FRMD5: variants seen among roughly 807,000 people sequenced by gnomAD.
FRMD5 encodes FERM domain-containing protein 5.
A neutral mutation model predicts 69.0 loss-of-function variants in FRMD5; 20 were observed. The observed-to-expected ratio is 0.29, with a 90% CI of 0.20 to 0.42. The LOEUF is 0.42. Ranked by LOEUF, FRMD5 falls within the 10% of genes least tolerant of loss-of-function variation. The probability of loss-of-function intolerance (pLI) is 1.00; values close to 1 mark genes in which losing one functional copy is unlikely to be tolerated. For missense variants in FRMD5, 595 were observed against 708.6 expected (o/e 0.84, Z 1.82); for synonymous variants, 271 against 260.1 (o/e 1.04, Z -0.40).
intron 1 of FRMD5, among the ~76,000 whole-genome samples, chr15:44,106,912 A>G (rs2076728096): frequency 6.6e-6 from 1 of 152,334 alleles, no homozygotes; most frequent in South Asian, 2.1e-4. Flanking sequence ...AACATCAATG[A>G]GCTTTGTTTA....
chr15:43,985,006 C>A (rs957842683), intron 1 of FRMD5, among the ~76,000 whole-genome samples: 9 of 147,314 alleles, frequency 6.1e-5, no homozygotes, highest in African/African-American at 2.2e-4. Flanking sequence ...CAAGGCCGGG[C>A]ACGGTGGCTC....
chr15:43,984,161 T>C (rs936429147), intron 1 of FRMD5, among the ~76,000 whole-genome samples: 1 of 152,342 alleles, frequency 6.6e-6, no homozygotes, highest in African/African-American at 2.4e-5. Context: ...ATCAAAGGGA[T>C]GATGCTCTAC....
chr15:43,937,876 G>A (rs1404645004), intron 1 of FRMD5, among the ~76,000 whole-genome samples: 3 of 152,120 alleles, frequency 2.0e-5, no homozygotes, highest in Non-Finnish European at 2.9e-5. Flanking sequence ...GTTGACCACT[G>A]CCAACAGGAC....
chr15:43,880,581 C>T (rs56312025), intron 13 of FRMD5, among the ~76,000 whole-genome samples: 2 of 152,368 alleles, frequency 1.3e-5, no homozygotes, highest in Non-Finnish European at 2.9e-5. Flanking sequence ...AACCTGATGT[C>T]CATCTCCCTC....
chr15:44,132,361 T>C (rs2077113833), intron 1 of FRMD5, among the ~76,000 whole-genome samples: 1 of 152,100 alleles, frequency 6.6e-6, no homozygotes, highest in South Asian at 2.1e-4. Context: ...GGTATAGAGA[T>C]TCAGTTTTAC....
intron 1 of FRMD5, among the ~76,000 whole-genome samples, chr15:44,023,909 C>T (rs1891321166): frequency 1.3e-5 from 2 of 152,080 alleles, no homozygotes; most frequent in Non-Finnish European, 2.9e-5. Context: ...CTTTACCTTC[C>T]TAGGTCTCGT....
chr15:43,884,907 C>T, intron 11 of FRMD5, 112 bp from the exon 12 acceptor site: 3 of 874,616 alleles, frequency 3.4e-6, no homozygotes, highest in Non-Finnish European at 5.6e-6. Flanking sequence ...ATCTGTGGCC[C>T]ACCCTTTCCC....
intron 1 of FRMD5, among the ~76,000 whole-genome samples, chr15:43,939,222 G>A (rs1221155363): frequency 1.3e-5 from 2 of 152,118 alleles, no homozygotes; most frequent in African/African-American, 2.4e-5. Flanking sequence ...ATATCCTGGA[G>A]ATTAAATATC....
At chr15:44,134,373 G>C (rs897060365) in intron 1 of FRMD5, among the ~76,000 whole-genome samples, 2 of 152,164 alleles carry the variant, frequency 1.3e-5, no homozygotes, top group Non-Finnish European at 2.9e-5. Flanking sequence ...GCTTCTTAGA[G>C]GCATAGAAAG....
chr15:43,924,947 A>C (rs1330589523), intron 1 of FRMD5, among the ~76,000 whole-genome samples: 1 of 149,154 alleles, frequency 6.7e-6, no homozygotes, highest in Non-Finnish European at 1.5e-5. Context: ...CACCCTGGCC[A>C]CCCTGTGCCC....
chr15:44,069,818 T>C (rs1893459164), intron 1 of FRMD5, among the ~76,000 whole-genome samples: 2 of 152,166 alleles, frequency 1.3e-5, no homozygotes, highest in Admixed American at 1.3e-4. Flanking sequence ...GGGTAAAAGA[T>C]ACATAGGCTC....
At chr15:44,120,192 A>C (rs2076927185) in intron 1 of FRMD5, among the ~76,000 whole-genome samples, 1 of 152,174 alleles carries the variant, frequency 6.6e-6, no homozygotes, top group Non-Finnish European at 1.5e-5. Context: ...TATCCCAAGA[A>C]GAATGGCAGG....
chr15:44,059,014 G>A (rs1431036753), intron 1 of FRMD5, among the ~76,000 whole-genome samples: 1 of 152,112 alleles, frequency 6.6e-6, no homozygotes, highest in Middle Eastern at 3.2e-3. Context: ...GATCTTTGAG[G>A]ACAAATAACA....
In FRMD5 at chr15:43,874,051, A is replaced by T. The variant is rs770119474; in HGVS notation, c.1547T>A (p.Leu516His). The T allele has an allele frequency of 6.2e-7, 1 of 1,614,076 alleles. No individual in the cohort carries two copies. The highest frequency in any genetic ancestry group is 8.5e-7 in the Non-Finnish European group (1 of 1,180,054). The change falls in exon 14 of 14, where the codon CTC becomes CAC. Residue 516 changes from leucine to histidine, a missense_variant. Transcript: ENST00000417257. Reference sequence around the variant, plus strand: ...CTCGGTAAGGATGATCAGGAGGAGGAGCAAAACAAAGAGGAGTCCCATGGT... The same window carrying T: ...CTCGGTAAGGATGATCAGGAGGAGGTGCAAAACAAAGAGGAGTCCCATGGT... ...LVTMGLLFVL[L>H]LLLIILTESD...
At chr15:44,049,723 C>T (rs1282765892) in intron 1 of FRMD5, among the ~76,000 whole-genome samples, 1 of 152,120 alleles carries the variant, frequency 6.6e-6, no homozygotes, top group Non-Finnish European at 1.5e-5. Flanking sequence ...TTATTTAATA[C>T]CTACTATGTG....
intron 1 of FRMD5, among the ~76,000 whole-genome samples, chr15:44,043,605 C>G (rs1485349147): frequency 2.0e-5 from 3 of 152,064 alleles, no homozygotes; most frequent in Non-Finnish European, 4.4e-5. Flanking sequence ...GAACAGAGGC[C>G]TCAGAAATAA....
intron 1 of FRMD5, among the ~76,000 whole-genome samples, chr15:44,107,164 T>C (rs1473474956): frequency 6.6e-6 from 1 of 152,152 alleles, no homozygotes. Flanking sequence ...AACGAAATAT[T>C]TGAGAAGGTT....
chr15:44,109,256 A>G (rs2076764125), intron 1 of FRMD5, among the ~76,000 whole-genome samples: 1 of 151,990 alleles, frequency 6.6e-6, no homozygotes, highest in South Asian at 2.1e-4. Context: ...TTTCTTATAT[A>G]TCTTGATCTC....
chr15:44,127,359 T>C (rs1206840573), intron 1 of FRMD5, among the ~76,000 whole-genome samples: 15 of 152,232 alleles, frequency 9.9e-5, no homozygotes, highest in Non-Finnish European at 2.1e-4. Context: ...CCCAAAGTGC[T>C]GTGATTACAG....
Sources: gnomAD v4.1 joint callset for allele counts (sites outside exome capture counted in the v4.1 genomes callset) on GRCh38, gnomAD v4.1.1 for gene constraint, MANE v1.5 for transcripts, NCBI Gene and HGNC (gene_info 2026-07-23, HGNC 2026-07-21) for gene names.